ARHGEF7: variants seen among roughly 807,000 people sequenced by gnomAD.
ARHGEF7 encodes the protein PAK-interacting exchange factor beta.
A neutral mutation model predicts 109.8 loss-of-function variants in ARHGEF7; 33 were observed. The ratio of observed to expected loss-of-function variants is 0.30; its 90% CI spans 0.23 to 0.40. The LOEUF is 0.40. ARHGEF7 is among the 10% of genes least tolerant of loss of function. The pLI is 1.00. For missense variants in ARHGEF7, 938 were observed against 1,098.5 expected, an observed-to-expected ratio of 0.85 and a Z score of 2.07; for synonymous variants, 458 against 424.6, an observed-to-expected ratio of 1.08 and a Z score of -0.97.
rs756894858 is a variant in ARHGEF7, at chr13:111,266,180, CAGTT to C, written c.951-1365_951-1362del. Reference sequence around the variant, plus strand: ...TGCTCACGGTTGACTCAGATGGAGACAGTTAGAGGAAGCGATTTCCACCCCCGTT... The same window carrying C: ...TGCTCACGGTTGACTCAGATGGAGACAGAGGAAGCGATTTCCACCCCCGTT... On this transcript the variant is annotated intron_variant, in intron 8 of 21. Transcript: ENST00000646102. The surrounding 1 kb of genome is among the most constrained non-coding windows in gnomAD (Gnocchi z 4.8). Among the ~76,000 whole-genome samples, 4 of 152,164 alleles carry C rather than the reference CAGTT, an allele frequency of 2.6e-5. No homozygotes were observed. Among genetic ancestry groups the C allele is most frequent in the Non-Finnish European group, 2.9e-5 (2 of 68,016 alleles).
intron 1 of ARHGEF7, among the ~76,000 whole-genome samples, chr13:111,121,559 C>T (rs1484469038): frequency 2.6e-5 from 4 of 152,316 alleles, no homozygotes; most frequent in East Asian, 1.9e-4. Context: ...GGATTTTAGC[C>T]GTTTGGATTG....
intron 1 of ARHGEF7, among the ~76,000 whole-genome samples, chr13:111,146,529 A>G (rs183439052): frequency 1.3e-5 from 2 of 152,332 alleles, no homozygotes; most frequent in South Asian, 2.1e-4. Context: ...CAGAATCAGA[A>G]TCTCCCTGGG....
intron 19 of ARHGEF7, chr13:111,294,332 C>T (rs1001190793): frequency 4.9e-5 from 48 of 985,344 alleles, no homozygotes; most frequent in South Asian, 1.4e-4. Flanking sequence ...TTTGCCTTCT[C>T]GTAGGCGTGG....
chr13:111,234,250 G>A (rs916313880), intron 6 of ARHGEF7, among the ~76,000 whole-genome samples: 2 of 152,278 alleles, frequency 1.3e-5, no homozygotes, highest in East Asian at 1.9e-4. Context: ...GGGAAACGGT[G>A]AAAAGGTGTG....
chr13:111,259,494 A>G (rs2090851386), intron 8 of ARHGEF7, among the ~76,000 whole-genome samples: 1 of 152,198 alleles, frequency 6.6e-6, no homozygotes, highest in Non-Finnish European at 1.5e-5. Context: ...TTTGTTCAAG[A>G]ACACCGTGGT....
rs552189378 is a variant in ARHGEF7 at position 111,149,149 on chromosome 13, C to G, written c.166-4756C>G. 3.3e-5 allele frequency among the ~76,000 whole-genome samples: 5 copies of G among 152,130 alleles called. No homozygotes were observed. The South Asian group carries it at 1.0e-3, about 32-fold the overall frequency. On this transcript the variant is annotated intron_variant, in intron 1 of 21. Coordinates refer to ENST00000646102, the MANE Select transcript of ARHGEF7 (RefSeq NM_001354046.2). Reference sequence around the variant, plus strand: ...TTCTGTCCGGGTGCGATGGCTCACGCCTGTAATCCCAGCACTTTGGGAGTC... The same window carrying G: ...TTCTGTCCGGGTGCGATGGCTCACGGCTGTAATCCCAGCACTTTGGGAGTC...
intron 13 of ARHGEF7, among the ~76,000 whole-genome samples, chr13:111,279,324 G>C (rs2092660311): frequency 1.3e-5 from 2 of 152,068 alleles, no homozygotes; most frequent in African/African-American, 4.8e-5. Flanking sequence ...CATGGCCAGG[G>C]GCTGGGGGTC....
chr13:111,237,394 T>C (rs974124753), intron 6 of ARHGEF7, among the ~76,000 whole-genome samples: 3 of 152,218 alleles, frequency 2.0e-5, no homozygotes, highest in African/African-American at 7.2e-5. Context: ...TGAGCAGAGA[T>C]TTAAAGAGAG....
chr13:111,192,348 A>G (rs1594527631), intron 2 of ARHGEF7, among the ~76,000 whole-genome samples: 1 of 152,344 alleles, frequency 6.6e-6, no homozygotes, highest in East Asian at 1.9e-4. Flanking sequence ...GACCAACACT[A>G]GATCTCCTGG....
In ARHGEF7 at chr13:111,299,575, C is replaced by T. The variant is rs527639428; in HGVS notation, c.2312-1173C>T. Among the ~76,000 whole-genome samples, 20 of 152,230 alleles carry T rather than the reference C, an allele frequency of 1.3e-4. No homozygotes were observed. In the South Asian group the frequency reaches 3.7e-3, roughly 28 times the overall value. Reference sequence around the variant, plus strand: ...ACCAGGTTGGTCTCGATCTCCTGACCTCGTGATCCACCCGCCTCCGCCTCC... The same window carrying T: ...ACCAGGTTGGTCTCGATCTCCTGACTTCGTGATCCACCCGCCTCCGCCTCC... On this transcript the variant is annotated intron_variant, in intron 19 of 21. Coordinates refer to ENST00000646102, the MANE Select transcript of ARHGEF7 (RefSeq NM_001354046.2).
At chr13:111,250,178 A>G (rs771226602) in intron 8 of ARHGEF7, among the ~76,000 whole-genome samples, 61 of 152,320 alleles carry the variant, frequency 4.0e-4, no homozygotes, top group Non-Finnish European at 7.3e-4. Flanking sequence ...TCAGTTCAAA[A>G]CAATAGAAAC....
chr13:111,172,621 C>T (rs1441221700), intron 2 of ARHGEF7, among the ~76,000 whole-genome samples: 1 of 152,208 alleles, frequency 6.6e-6, no homozygotes, highest in Non-Finnish European at 1.5e-5. Flanking sequence ...TCTTTTCTTG[C>T]AGTAAATTTG....
At chr13:111,251,952 A>G (rs2089837235) in intron 8 of ARHGEF7, among the ~76,000 whole-genome samples, 1 of 152,190 alleles carries the variant, frequency 6.6e-6, no homozygotes, top group Non-Finnish European at 1.5e-5. Flanking sequence ...TTTTCCAAGC[A>G]TTCCTTTATC....
At chr13:111,265,698 A>T (rs1442721612) in intron 8 of ARHGEF7, 2 of 456,208 alleles carry the variant, frequency 4.4e-6, no homozygotes, top group Non-Finnish European at 8.8e-6. Context: ...CACCAATTGG[A>T]TGGTATTAAA....
At position 111,301,823 on chromosome 13, in the gene ARHGEF7, C is replaced by T. The variant is rs369220268; in HGVS notation, c.2466+291C>T. 4.2e-4 allele frequency among the ~76,000 whole-genome samples: 64 copies of T among 152,192 alleles called. No homozygotes were observed. The East Asian group carries it at 0.012, about 28-fold the overall frequency. On this transcript the variant is annotated intron_variant, in intron 21 of 21. Coordinates refer to ENST00000646102, the MANE Select transcript of ARHGEF7 (RefSeq NM_001354046.2). ...AGGAGAATTGCTTGAACCTAGGAGG[C>T]GGAGGTTGCTGTGAGCCGAGATTGT...
intron 6 of ARHGEF7, among the ~76,000 whole-genome samples, chr13:111,240,142 C>T (rs1048600222): frequency 2.6e-5 from 4 of 152,150 alleles, no homozygotes; most frequent in African/African-American, 9.7e-5. Context: ...CCCAGGTCCA[C>T]GTGGCTGCAG....
chr13:111,281,958 C>G (rs1405237477), intron 15 of ARHGEF7, among the ~76,000 whole-genome samples: 1 of 152,220 alleles, frequency 6.6e-6, no homozygotes, highest in Non-Finnish European at 1.5e-5. Context: ...AAGCATACTT[C>G]CTTTGACTTT....
intron 6 of ARHGEF7, among the ~76,000 whole-genome samples, chr13:111,237,224 A>G (rs1205461688): frequency 6.6e-6 from 1 of 152,264 alleles, no homozygotes; most frequent in Non-Finnish European, 1.5e-5. Flanking sequence ...ATACAAGGTT[A>G]TCCTTAATGT....
chr13:111,275,695 G>C lies in ARHGEF7; in HGVS notation c.1419+17G>C, dbSNP rs373856939. 1.2e-6 allele frequency: 2 copies of C among 1,613,776 alleles called. No individual in the cohort carries two copies. The highest frequency in any genetic ancestry group is 2.7e-5 in the African/African-American group (2 of 74,918). ...GGAAGTGAGGTACTGCTGCCCACAT[G>C]CACGCACCAGGGTTTCTGTCCCACT... On this transcript the variant is annotated intron_variant, in intron 12 of 21. Coordinates refer to ENST00000646102, the MANE Select transcript of ARHGEF7 (RefSeq NM_001354046.2).
Sources: allele counts gnomAD v4.1 joint callset (sites outside exome capture counted in the v4.1 genomes callset), GRCh38; gene constraint gnomAD v4.1.1; non-coding constraint Gnocchi (gnomAD v3.1); transcripts MANE v1.5; gene names NCBI Gene and HGNC (gene_info 2026-07-23, HGNC 2026-07-21).